Variants in SKAP1 observed in about 807,000 individuals in gnomAD.
The protein encoded by SKAP1 is src kinase-associated phosphoprotein 1.
SKAP1 carries 44 observed loss-of-function variants against 58.5 expected under a neutral mutation model. The ratio of observed to expected loss-of-function variants is 0.75; its 90% confidence interval spans 0.59 to 0.97. The LOEUF is 0.97. Ranked by LOEUF, SKAP1 falls within the 50% of genes least tolerant of loss-of-function variation. The pLI is 0.00. For synonymous variants in SKAP1, 127 were observed against 149.7 expected, an observed-to-expected ratio of 0.85 and a Z score of 1.11; for missense variants, 390 against 435.2, an observed-to-expected ratio of 0.90 and a Z score of 0.92.
intron 4 of SKAP1, among the ~76,000 whole-genome samples, chr17:48,270,638 G>A (rs897615613): frequency 6.6e-6 from 1 of 152,032 alleles, no homozygotes; most frequent in Non-Finnish European, 1.5e-5. Flanking sequence ...ACTGCGCCTG[G>A]CCCTATTTTT....
At chr17:48,367,315 C>T (rs1430087107) in intron 2 of SKAP1, among the ~76,000 whole-genome samples, 6 of 151,690 alleles carry the variant, frequency 4.0e-5, no homozygotes, top group Non-Finnish European at 8.8e-5. Flanking sequence ...GTCAAACTTT[C>T]AATTATAAGA....
intron 4 of SKAP1, among the ~76,000 whole-genome samples, chr17:48,334,777 C>G (rs1310930516): frequency 6.6e-6 from 1 of 151,686 alleles, no homozygotes; most frequent in Admixed American, 6.6e-5. Flanking sequence ...GATGTTTGAT[C>G]TGTAGGTTGG....
At chr17:48,254,647 C>T (rs2065403508) in intron 4 of SKAP1, among the ~76,000 whole-genome samples, 1 of 150,006 alleles carries the variant, frequency 6.7e-6, no homozygotes, top group South Asian at 2.1e-4. Flanking sequence ...TTCATTCTGT[C>T]ATATTTACTG....
At chr17:48,435,483 G>A in the SKAP1 span, among the ~76,000 whole-genome samples, 1 of 152,338 alleles carries the variant, frequency 6.6e-6, no homozygotes, top group East Asian at 1.9e-4. Flanking sequence ...GAGAGCAGAT[G>A]AGGCTAAGAC....
chr17:48,236,506 C>A (rs2065182833), intron 4 of SKAP1, among the ~76,000 whole-genome samples: 1 of 152,136 alleles, frequency 6.6e-6, no homozygotes, highest in South Asian at 2.1e-4. Context: ...ATATAAATTT[C>A]TCTATCATAT....
chr17:48,354,317 G>A (rs1334878474), intron 3 of SKAP1, among the ~76,000 whole-genome samples: 4 of 152,214 alleles, frequency 2.6e-5, no homozygotes, highest in Non-Finnish European at 4.4e-5. Flanking sequence ...CAAGAATTCA[G>A]TTCAATATTT....
At chr17:48,399,267 G>T (rs2067463690) in intron 1 of SKAP1, among the ~76,000 whole-genome samples, 1 of 151,988 alleles carries the variant, frequency 6.6e-6, no homozygotes, top group African/African-American at 2.4e-5. Flanking sequence ...TGACATCTAA[G>T]ATTCAATTTA....
chr17:48,280,138 G>T (rs1009864807), intron 4 of SKAP1, among the ~76,000 whole-genome samples: 6 of 152,034 alleles, frequency 3.9e-5, no homozygotes, highest in Admixed American at 1.3e-4. Context: ...TTGTATGTTT[G>T]GTTTTAAATA....
intron 11 of SKAP1, among the ~76,000 whole-genome samples, chr17:48,145,531 T>C (rs1165418490): frequency 1.3e-5 from 2 of 152,012 alleles, no homozygotes; most frequent in Non-Finnish European, 2.9e-5. Flanking sequence ...CTGCCTCCAG[T>C]GGTTTCCTAT....
rs138712636 is a variant in SKAP1, at chr17:48,259,162, A to G, written c.281-69662T>C. 2.6e-3 allele frequency among the ~76,000 whole-genome samples: 398 copies of G among 152,170 alleles called. 5 individuals are homozygous for G. Among genetic ancestry groups the G allele is most frequent in the African/African-American group, 9.2e-3 (381 of 41,520 alleles). ...AAATGACTCAAGCTAGGATTTTCAG[A>G]ATAACCTATATTTTAAAAGTGCAGA... On this transcript the variant is annotated intron_variant, in intron 4 of 12. Coordinates refer to ENST00000336915, the MANE Select transcript of SKAP1 (RefSeq NM_003726.4).
intron 4 of SKAP1, among the ~76,000 whole-genome samples, chr17:48,320,589 G>GA (rs1052644141): frequency 1.3e-5 from 2 of 152,082 alleles, no homozygotes; most frequent in African/African-American, 4.8e-5. Context: ...CAATCAGAGA[G>GA]AAAAAAATCA....
chr17:48,215,369 A>G (rs1345858561), intron 4 of SKAP1, among the ~76,000 whole-genome samples: 2 of 152,242 alleles, frequency 1.3e-5, no homozygotes, highest in African/African-American at 2.4e-5. Context: ...TGTTGGCCAT[A>G]GCCTTGTGAT....
At chr17:48,386,665 C>A (rs762438878) in intron 2 of SKAP1, among the ~76,000 whole-genome samples, 1 of 152,170 alleles carries the variant, frequency 6.6e-6, no homozygotes, top group Non-Finnish European at 1.5e-5. Context: ...AATCTTTCTT[C>A]CTTTCCTTGC....
chr17:48,441,607 A>T, the SKAP1 span, among the ~76,000 whole-genome samples: 1 of 152,182 alleles, frequency 6.6e-6, no homozygotes, highest in African/African-American at 2.4e-5. Flanking sequence ...GTGGGCTTCC[A>T]CACAACTGTC....
intron 6 of SKAP1, chr17:48,185,054 G>A (rs997565792): frequency 4.1e-5 from 21 of 514,686 alleles, no homozygotes; most frequent in Admixed American, 1.9e-4. Flanking sequence ...GAAATGCAAC[G>A]TGAAAGGTTA....
chr17:48,444,548 C>CCT, the SKAP1 span, among the ~76,000 whole-genome samples: 1 of 151,996 alleles, frequency 6.6e-6, no homozygotes, highest in African/African-American at 2.4e-5. Context: ...CATAAGGTAA[C>CCT]CTCTCTCTCT....
At chr17:48,342,226 G>GTTAGCAAGTTTTTGTTCCCGA (rs2066662773) in intron 4 of SKAP1, among the ~76,000 whole-genome samples, 1 of 152,044 alleles carries the variant, frequency 6.6e-6, no homozygotes, top group Non-Finnish European at 1.5e-5. Flanking sequence ...GTTATTACTT[G>GTTAGCAAGTTTTTGTTCCCGA]TTAGCAAGTT....
At chr17:48,194,631 C>G (rs1343654482) in intron 4 of SKAP1, among the ~76,000 whole-genome samples, 2 of 152,230 alleles carry the variant, frequency 1.3e-5, no homozygotes, top group South Asian at 4.1e-4. Context: ...TGCCCACTAA[C>G]TTTCATTATA....
rs551158059 is a variant in SKAP1 at position 48,303,681 on chromosome 17, A to G, written c.280+42224T>C. On this transcript the variant is annotated intron_variant, in intron 4 of 12. Transcript: ENST00000336915. ...CAAAATATTAGTTTTCTGACAAAATATCTGTAGAATACACAGGCTTGGGGA... is the reference window on the plus strand; with the variant it reads ...CAAAATATTAGTTTTCTGACAAAATGTCTGTAGAATACACAGGCTTGGGGA... Among the ~76,000 whole-genome samples, 47 of 152,344 alleles carry G rather than the reference A, an allele frequency of 3.1e-4. 1 individual carries two copies. In the South Asian group the frequency reaches 8.7e-3, roughly 28 times the overall value.
Sources: gnomAD v4.1 joint callset for allele counts (sites outside exome capture counted in the v4.1 genomes callset) on GRCh38, gnomAD v4.1.1 for gene constraint, MANE v1.5 for transcripts, NCBI Gene and HGNC (gene_info 2026-07-23, HGNC 2026-07-21) for gene names.